KIAA1671: variants seen among roughly 807,000 people sequenced by gnomAD.
KIAA1671 encodes the protein uncharacterized protein KIAA1671.
KIAA1671 carries 52 observed loss-of-function variants against 131.2 expected under a neutral mutation model. The observed-to-expected ratio is 0.40, with a 90% CI of 0.32 to 0.50. The LOEUF is 0.50. Among genes scored for constraint, KIAA1671 ranks in the 20% least tolerant of loss-of-function variants. The pLI, the probability that KIAA1671 is intolerant of heterozygous loss-of-function variation, is 0.73. For missense variants in KIAA1671, 2,360 were observed against 2,364.2 expected (o/e 1.00, Z 0.04); for synonymous variants, 1,003 against 961.6 (o/e 1.04, Z -0.80).
intron 6 of KIAA1671, among the ~76,000 whole-genome samples, chr22:25,101,780 G>A (rs781505005): frequency 2.0e-5 from 3 of 152,178 alleles, no homozygotes; most frequent in Non-Finnish European, 2.9e-5. Context: ...CAGTGGGTAC[G>A]ATGAGAGCCT....
At chr22:24,992,612 C>G (rs1296441372) in intron 1 of KIAA1671, among the ~76,000 whole-genome samples, 1 of 151,784 alleles carries the variant, frequency 6.6e-6, no homozygotes, top group Non-Finnish European at 1.5e-5. Context: ...GTCAGGAGTT[C>G]GAGACCAGCT....
At chr22:25,020,018 T>C (rs1018288506) in intron 1 of KIAA1671, among the ~76,000 whole-genome samples, 9 of 152,230 alleles carry the variant, frequency 5.9e-5, no homozygotes, top group Admixed American at 1.3e-4. Context: ...AGGACATCTT[T>C]GTGCATATAA....
intron 5 of KIAA1671, among the ~76,000 whole-genome samples, chr22:25,043,940 C>T (rs1197382189): frequency 6.6e-6 from 1 of 152,158 alleles, no homozygotes; most frequent in Non-Finnish European, 1.5e-5. Context: ...CCCGAGTTTT[C>T]TTGTCTGTAA....
At chr22:25,087,023 C>T (rs372118737) in intron 6 of KIAA1671, among the ~76,000 whole-genome samples, 60 of 152,248 alleles carry the variant, frequency 3.9e-4, no homozygotes, top group African/African-American at 1.4e-3. Flanking sequence ...TGGGGTGCAA[C>T]GGAACAGGGT....
chr22:25,126,232 C>T (rs1347527899), intron 6 of KIAA1671, among the ~76,000 whole-genome samples: 1 of 152,226 alleles, frequency 6.6e-6, no homozygotes, highest in African/African-American at 2.4e-5. Flanking sequence ...TCCAGCACCT[C>T]ACGTTCCCAC....
intron 6 of KIAA1671, among the ~76,000 whole-genome samples, chr22:25,117,741 C>T (rs1931748601): frequency 6.6e-6 from 1 of 152,050 alleles, no homozygotes; most frequent in South Asian, 2.1e-4. Flanking sequence ...GTACTCTCTC[C>T]CTACTGGGGT....
intron 6 of KIAA1671, among the ~76,000 whole-genome samples, chr22:25,075,176 G>A (rs1422633649): frequency 6.6e-6 from 1 of 152,158 alleles, no homozygotes; most frequent in East Asian, 1.9e-4. Context: ...AATGTCTGGA[G>A]ACATGTTTGA....
intron 6 of KIAA1671, among the ~76,000 whole-genome samples, chr22:25,093,844 C>CTCTCTGTG (rs1568951657): frequency 1.1e-5 from 1 of 90,562 alleles, no homozygotes; most frequent in Non-Finnish European, 2.4e-5. Context: ...GTCTGTCTCT[C>CTCTCTGTG]TCTCTCTCTC....
intron 5 of KIAA1671, among the ~76,000 whole-genome samples, chr22:25,046,578 T>G (rs1927244779): frequency 6.6e-6 from 1 of 152,216 alleles, no homozygotes; most frequent in Non-Finnish European, 1.5e-5. Context: ...CAAAAATACT[T>G]AAAAAACATT....
At chr22:25,038,174 A>T (rs1926718625) in intron 4 of KIAA1671, among the ~76,000 whole-genome samples, 1 of 151,656 alleles carries the variant, frequency 6.6e-6, no homozygotes, top group Non-Finnish European at 1.5e-5. Context: ...ATTTTATTTT[A>T]TTTTTTTGGT....
At chr22:25,079,802 G>A (rs1049656513) in intron 6 of KIAA1671, among the ~76,000 whole-genome samples, 6 of 152,118 alleles carry the variant, frequency 3.9e-5, no homozygotes, top group African/African-American at 1.4e-4. Flanking sequence ...CAGAGCCATG[G>A]GGGAGTGACC....
At chr22:24,967,924 C>T (rs894249697) in intron 1 of KIAA1671, among the ~76,000 whole-genome samples, 4 of 152,002 alleles carry the variant, frequency 2.6e-5, no homozygotes, top group East Asian at 1.9e-4. Flanking sequence ...ACCCAGGAGG[C>T]GGAGCTTGCA....
chr22:25,041,282 G>A lies in KIAA1671; in HGVS notation c.4152G>A (p.Glu1384=). The change falls in exon 5 of 13, where the codon GAG becomes GAA. Residue 1384 remains glutamate, a synonymous_variant. Coordinates refer to ENST00000358431, the MANE Select transcript of KIAA1671 (RefSeq NM_001145206.2). ...GTPRKSTGRG[E]EDSVAQWGDH... The stretch of plus-strand genomic sequence containing the variant: ...CAAGGAAATCCACCGGGCGGGGAGA[G>A]GAGGACAGTGTGGCCCAGTGGGGTG... 2 of 1,551,782 alleles carry A rather than the reference G, an allele frequency of 1.3e-6. No homozygotes were observed. The highest frequency in any genetic ancestry group is 1.7e-6 in the Non-Finnish European group (2 of 1,147,012).
intron 3 of KIAA1671, among the ~76,000 whole-genome samples, chr22:25,029,953 C>T (rs1926186465): frequency 6.6e-6 from 1 of 152,182 alleles, no homozygotes. Context: ...AAGATTGGGC[C>T]TAAGCCTTTA....
chr22:24,965,114 A>G (rs1354241153), intron 1 of KIAA1671, among the ~76,000 whole-genome samples: 1 of 151,162 alleles, frequency 6.6e-6, no homozygotes, highest in Non-Finnish European at 1.5e-5. Context: ...AAAAAAAAAA[A>G]AAAAGGGAGA....
chr22:25,032,687 G>C lies in KIAA1671; in HGVS notation c.1620G>C (p.Pro540=). 2 of 1,544,498 alleles carry C rather than the reference G, an allele frequency of 1.3e-6. No individual in the cohort carries two copies. Among genetic ancestry groups the C allele is most frequent in the Non-Finnish European group, 1.8e-6 (2 of 1,141,202 alleles). Residue 540 remains proline (P), a synonymous_variant, in exon 4 of 13, where the codon CCG becomes CCC. Transcript: ENST00000358431. ...TGAGCGGCGAGTTTCCTAAGGAACC[G>C]AGAGAAAAGGTAAGGAGTGGCTGTG... is the stretch of plus-strand genomic sequence containing the variant. ...AELSGEFPKE[P]REKQKEGHSL...
At position 25,039,844 on chromosome 22, in the gene KIAA1671, C is replaced by A. The variant is rs1926814928; in HGVS notation, c.2714C>A (p.Ala905Glu). 1.3e-6 allele frequency: 2 copies of A among 1,549,278 alleles called. No individual in the cohort carries two copies. The highest frequency in any genetic ancestry group is 4.9e-5 in the East Asian group (2 of 40,870). The change falls in exon 5 of 13, where the codon GCA becomes GAA. Residue 905 changes from alanine (A) to glutamate (E), a missense_variant. Transcript: ENST00000358431. Reference protein sequence around the residue: ...SDSQARTHPDAFAVQKGPFIV... With the variant: ...SDSQARTHPDEFAVQKGPFIV... ...TCCCAAGCACGAACACATCCAGATGCATTTGCTGTGCAGAAAGGGCCCTTC... is the reference window on the plus strand; with the variant it reads ...TCCCAAGCACGAACACATCCAGATGAATTTGCTGTGCAGAAAGGGCCCTTC...
intron 1 of KIAA1671, among the ~76,000 whole-genome samples, chr22:24,968,207 G>A (rs574489400): frequency 6.6e-6 from 1 of 152,272 alleles, no homozygotes; most frequent in South Asian, 2.1e-4. Flanking sequence ...AAGGGGGGCG[G>A]CGGGGCAGGG....
At chr22:24,996,430 A>G (rs77665210) in intron 1 of KIAA1671, among the ~76,000 whole-genome samples, 1 of 152,178 alleles carries the variant, frequency 6.6e-6, no homozygotes, top group African/African-American at 2.4e-5. Flanking sequence ...TGGAATTGCC[A>G]TTCCTTTTCA....
Sources: gnomAD v4.1 joint callset for allele counts (sites outside exome capture counted in the v4.1 genomes callset) on GRCh38, gnomAD v4.1.1 for gene constraint, MANE v1.5 for transcripts, NCBI Gene and HGNC (gene_info 2026-07-23, HGNC 2026-07-21) for gene names.